Variants in STOX2 observed in about 807,000 individuals in gnomAD.
STOX2 encodes the protein storkhead-box protein 2.
Under a neutral mutation model 60.9 loss-of-function variants are expected in STOX2, and 28 were observed. That is an observed-to-expected ratio of 0.46 (90% CI 0.34 to 0.63). The LOEUF is 0.63. Among genes scored for constraint, STOX2 ranks in the 30% least tolerant of loss-of-function variants. STOX2 has a pLI of 0.01. For synonymous variants in STOX2, 472 were observed against 463.9 expected (o/e 1.02, Z -0.22); for missense variants, 1,024 against 1,187.7 (o/e 0.86, Z 2.03).
At chr4:183,945,991 T>C (rs868785746) in intron 1 of STOX2, among the ~76,000 whole-genome samples, 8 of 152,236 alleles carry the variant, frequency 5.3e-5, no homozygotes, top group African/African-American at 1.9e-4. Flanking sequence ...GACTACAGTT[T>C]CTAAAGGGAA....
At chr4:183,853,972 C>A (rs1314347301) in intron 1 of STOX2, 2 of 152,216 alleles carry the variant, frequency 1.3e-5, no homozygotes, top group Non-Finnish European at 2.9e-5. Flanking sequence ...TGTCTATAAT[C>A]TGAAACAGCA....
chr4:183,823,482 A>G (rs974393403), intron 1 of STOX2, among the ~76,000 whole-genome samples: 7 of 152,204 alleles, frequency 4.6e-5, no homozygotes, highest in African/African-American at 1.7e-4. Context: ...AGACTGTTGA[A>G]AGGCAAACTG....
At chr4:184,002,765 C>T (rs779020915) in intron 2 of STOX2, among the ~76,000 whole-genome samples, 34 of 152,292 alleles carry the variant, frequency 2.2e-4, no homozygotes, top group South Asian at 6.2e-4. Context: ...GGGAAGAGAA[C>T]GGGAGGACGA....
chr4:183,857,755 C>T (rs547634553), intron 1 of STOX2, among the ~76,000 whole-genome samples: 2 of 152,184 alleles, frequency 1.3e-5, no homozygotes, highest in South Asian at 4.2e-4. Context: ...TGCTTTGCAG[C>T]CCCCCTTCCT....
chr4:184,022,490 G>A lies in STOX2; in HGVS notation c.*5206G>A, dbSNP rs1418663185. 6.6e-6 allele frequency: 1 copy of A among 152,136 alleles called. No homozygotes were observed. Among genetic ancestry groups the A allele is most frequent in the Non-Finnish European group, 1.5e-5 (1 of 68,050 alleles). The allele number at this position is 152,136 out of a possible 1,614,324, so 9.4% of individuals were successfully genotyped here. ...ACTTTCTTACGATTGTACATGATCA[G>A]TTATAGGGCTGTAATCATTAATTGT... is the stretch of plus-strand genomic sequence containing the variant. On this transcript the variant is annotated 3_prime_UTR_variant, in exon 4 of 4. Transcript: ENST00000308497.
At chr4:183,933,188 G>T (rs59778051) in intron 1 of STOX2, among the ~76,000 whole-genome samples, 2 of 151,974 alleles carry the variant, frequency 1.3e-5, no homozygotes, top group Non-Finnish European at 2.9e-5. Flanking sequence ...TCTGGCTCAC[G>T]TACAACATTT....
At chr4:183,841,807 T>G (rs1186955438) in intron 1 of STOX2, among the ~76,000 whole-genome samples, 1 of 152,236 alleles carries the variant, frequency 6.6e-6, no homozygotes, top group Non-Finnish European at 1.5e-5. Context: ...TAAGTTGGCT[T>G]TGCATAATCA....
chr4:183,874,991 A>ATATATACATATG (rs150927457), intron 1 of STOX2, among the ~76,000 whole-genome samples: 1 of 84,888 alleles, frequency 1.2e-5, no homozygotes, highest in Non-Finnish European at 2.2e-5. Flanking sequence ...ATATATATAT[A>ATATATACATATG]TAAAACTTAG....
At chr4:183,983,662 G>A (rs1010107948) in intron 1 of STOX2, among the ~76,000 whole-genome samples, 8 of 152,224 alleles carry the variant, frequency 5.3e-5, no homozygotes, top group African/African-American at 1.7e-4. Flanking sequence ...TTGGAGAATG[G>A]AGGTGTCAGG....
At chr4:183,931,253 G>A (rs530657634) in intron 1 of STOX2, among the ~76,000 whole-genome samples, 28 of 152,050 alleles carry the variant, frequency 1.8e-4, no homozygotes, top group Non-Finnish European at 3.7e-4. Context: ...GTGAAACCCC[G>A]TCTTTACTAA....
At chr4:183,818,963 G>A (rs1171484150) in intron 1 of STOX2, among the ~76,000 whole-genome samples, 1 of 151,980 alleles carries the variant, frequency 6.6e-6, no homozygotes, top group Non-Finnish European at 1.5e-5. Context: ...CGGGGCAGAG[G>A]GGCTCCTCAC....
intron 1 of STOX2, among the ~76,000 whole-genome samples, chr4:183,968,817 A>G (rs1037490684): frequency 6.6e-5 from 10 of 152,078 alleles, no homozygotes; most frequent in Admixed American, 2.0e-4. Flanking sequence ...GATAGAAAGG[A>G]TAGAAGGTAA....
Position 183,905,563 on chromosome 4 carries a change from C to T in STOX2, c.-1228C>T, listed in dbSNP as rs900219247. On this transcript the variant is annotated 5_prime_UTR_variant, in exon 1 of 4. Coordinates refer to ENST00000308497, the MANE Select transcript of STOX2 (RefSeq NM_020225.3). ...GTGGGCCAGGCAGCGCACCGCAGAT[C>T]TCCCCGTTCCCACGAAGGCTGGCTC... is the stretch of plus-strand genomic sequence containing the variant. 2.6e-5 allele frequency: 4 copies of T among 152,254 alleles called. No homozygotes were observed. Among genetic ancestry groups the T allele is most frequent in the African/African-American group, 9.6e-5 (4 of 41,456 alleles). 9.4% of individuals were successfully genotyped at this position (152,254 alleles called of 1,614,324 possible).
intron 1 of STOX2, among the ~76,000 whole-genome samples, chr4:183,848,153 A>G (rs116567916): frequency 1.2e-4 from 18 of 152,296 alleles, no homozygotes; most frequent in African/African-American, 4.3e-4. Context: ...ACAAATAGGA[A>G]TTTATTTGAC....
Position 183,984,641 on chromosome 4 carries a change from C to T in STOX2, c.167-16684C>T, listed in dbSNP as rs777405201. 3.3e-5 allele frequency among the ~76,000 whole-genome samples: 5 copies of T among 152,286 alleles called. 1 individual carries two copies. The highest frequency in any genetic ancestry group is 4.1e-4 in the South Asian group (2 of 4,830). ...CAAGTGGAGCAGCTCTAAGAGCATG[C>T]GAGACCATTAGCCATCAAGCGTTTA... On this transcript the variant is annotated intron_variant, in intron 1 of 3. Transcript: ENST00000308497.
intron 3 of STOX2, 52 bp from the exon 4 acceptor site, chr4:184,017,037 A>G: frequency 1.4e-6 from 2 of 1,452,028 alleles, no homozygotes; most frequent in Non-Finnish European, 9.2e-7. Context: ...GGCTCAATTT[A>G]TAATTATTTA....
chr4:183,945,866 C>T (rs571667136), intron 1 of STOX2, among the ~76,000 whole-genome samples: 43 of 152,286 alleles, frequency 2.8e-4, no homozygotes, highest in South Asian at 1.2e-3. Context: ...CTGTAGCCAT[C>T]GTATCCTCCT....
intron 1 of STOX2, among the ~76,000 whole-genome samples, chr4:183,860,915 T>G (rs910973572): frequency 1.3e-5 from 2 of 152,226 alleles, no homozygotes; most frequent in African/African-American, 4.8e-5. Flanking sequence ...GCCAAGCATC[T>G]TCCTGTAGGA....
At chr4:183,832,420 T>C (rs1952277814) in intron 1 of STOX2, among the ~76,000 whole-genome samples, 1 of 152,010 alleles carries the variant, frequency 6.6e-6, no homozygotes, top group South Asian at 2.1e-4. Context: ...AATGTAATAC[T>C]TCATCCAGTT....
Sources: allele counts gnomAD v4.1 joint callset (sites outside exome capture counted in the v4.1 genomes callset), GRCh38; gene constraint gnomAD v4.1.1; transcripts MANE v1.5; gene names NCBI Gene and HGNC (gene_info 2026-07-23, HGNC 2026-07-21).